CEP162: variants seen among roughly 807,000 people sequenced by gnomAD.
The protein encoded by CEP162 is centrosomal protein of 162 kDa.
A neutral mutation model predicts 169.2 loss-of-function variants in CEP162; 141 were observed. The observed-to-expected ratio is 0.83, with a 90% CI of 0.73 to 0.96. The LOEUF (loss-of-function observed/expected upper bound fraction) is 0.96, where lower values mean the gene tolerates loss of function less well. CEP162 is among the 40% of genes least tolerant of loss of function. The probability of loss-of-function intolerance (pLI) is 0.00; values close to 1 mark genes in which losing one functional copy is unlikely to be tolerated. For synonymous variants in CEP162, 540 were observed against 526.4 expected (o/e 1.03, Z -0.35); for missense variants, 1,600 against 1,587.2 (o/e 1.01, Z -0.14).
intron 13 of CEP162, among the ~76,000 whole-genome samples, chr6:84,179,106 T>C (rs890047649): frequency 2.0e-5 from 3 of 152,220 alleles, no homozygotes; most frequent in Non-Finnish European, 4.4e-5. Flanking sequence ...TTGTGAATAG[T>C]GCCGCAATAA....
At chr6:84,191,256 G>A (rs2099539762) in intron 11 of CEP162, among the ~76,000 whole-genome samples, 1 of 151,960 alleles carries the variant, frequency 6.6e-6, no homozygotes, top group Non-Finnish European at 1.5e-5. Context: ...CCCCCAAGAT[G>A]GGCATACCCC....
rs1363868046 is a variant in CEP162 at position 84,152,943 on chromosome 6, C to A, written c.3231G>T (p.Gln1077His). 3.7e-6 allele frequency: 6 copies of A among 1,613,700 alleles called. No homozygotes were observed. The South Asian group carries it at 4.4e-5, about 12-fold the overall frequency. Reference sequence around the variant, plus strand: ...TAGCTTTAGCATGAGCCTGTTCCACCTGGAATTCTATAGACTGAAAATCTT... The same window carrying A: ...TAGCTTTAGCATGAGCCTGTTCCACATGGAATTCTATAGACTGAAAATCTT... ...DDEDFQSIEF[Q>H]VEQAHAKAKL... Residue 1077 changes from glutamine to histidine, a missense_variant, in exon 23 of 27, where the codon CAG becomes CAT. By Grantham distance (24) the Gln-to-His change is conservative (BLOSUM62 0). Coordinates refer to ENST00000403245, the MANE Select transcript of CEP162 (RefSeq NM_014895.4).
rs571841487 is a variant in CEP162, at chr6:84,205,349, C to T, written c.572-1253G>A. ...AATACTGGCAAACCGAATCTAGCAG[C>T]ACATCAAAAAGCTTATCCACCACGA... On this transcript the variant is annotated intron_variant, in intron 6 of 26. Coordinates refer to ENST00000403245, the MANE Select transcript of CEP162 (RefSeq NM_014895.4). Among the ~76,000 whole-genome samples the T allele has an allele frequency of 2.0e-5, 3 of 152,266 alleles. No homozygotes were observed. The East Asian group carries it at 5.8e-4, about 29-fold the overall frequency.
chr6:84,225,181 T>C (rs2099555220), intron 2 of CEP162, among the ~76,000 whole-genome samples: 1 of 152,268 alleles, frequency 6.6e-6, no homozygotes, highest in South Asian at 2.1e-4. Context: ...CGCTTAATTA[T>C]GGGGATATGT....
chr6:84,124,706 A>C lies in CEP162; in HGVS notation c.*364T>G. ...TCAATACACCCATGTTACAACAAGCACATGTACCCCCTGGATCTAAAATAA... is the reference window on the plus strand; with the variant it reads ...TCAATACACCCATGTTACAACAAGCCCATGTACCCCCTGGATCTAAAATAA... On this transcript the variant is annotated 3_prime_UTR_variant, in exon 27 of 27. Coordinates refer to ENST00000403245, the MANE Select transcript of CEP162 (RefSeq NM_014895.4). 3.7e-6 allele frequency: 1 copy of C among 271,708 alleles called. No individual in the cohort carries two copies. The highest frequency in any genetic ancestry group is 6.9e-6 in the Non-Finnish European group (1 of 144,314). 16.8% of individuals were successfully genotyped at this position (271,708 alleles called of 1,614,324 possible).
At chr6:84,201,415 T>C (rs1327316900) in intron 8 of CEP162, among the ~76,000 whole-genome samples, 1 of 152,224 alleles carries the variant, frequency 6.6e-6, no homozygotes, top group African/African-American at 2.4e-5. Context: ...TGTGTGTGTG[T>C]GTGTATGTAT....
intron 7 of CEP162, 115 bp from the exon 8 acceptor site, chr6:84,201,882 G>A (rs996237367): frequency 9.1e-6 from 5 of 549,104 alleles, no homozygotes; most frequent in Non-Finnish European, 6.5e-6. Context: ...ACATTGAAAC[G>A]ATCAGGAACT....
intron 17 of CEP162, among the ~76,000 whole-genome samples, chr6:84,170,725 C>A (rs1705674313): frequency 6.6e-6 from 1 of 152,200 alleles, no homozygotes; most frequent in African/African-American, 2.4e-5. Flanking sequence ...AAATAGTGGT[C>A]ATTTTCTAAA....
chr6:84,166,473 A>C (rs1403726718), intron 18 of CEP162, among the ~76,000 whole-genome samples: 1 of 152,138 alleles, frequency 6.6e-6, no homozygotes, highest in African/African-American at 2.4e-5. Context: ...TCTTCAAAGC[A>C]CTTCTACCTG....
intron 9 of CEP162, among the ~76,000 whole-genome samples, chr6:84,199,679 A>G (rs1326621045): frequency 1.3e-5 from 2 of 152,154 alleles, no homozygotes; most frequent in African/African-American, 4.8e-5. Context: ...ACCAGTATCC[A>G]TAGACTGCAA....
At position 84,174,079 on chromosome 6, in the gene CEP162, T is replaced by A. The variant is rs1278080384; in HGVS notation, c.2135A>T (p.Glu712Val). ...KLKQIQKEIQ[E>V]QETLLQGYQQ... is the part of the protein sequence containing the mutation. ...ATATCCTTGAAGAAGTGTCTCTTGT[T>A]CTTGTATTTCTTTTTGGATTTGCTT... The change falls in exon 16 of 27, where the codon GAA (glutamate) becomes GTA (valine). Residue 712 changes from glutamate to valine, a missense_variant. Glu to Val is a moderately radical substitution (Grantham distance 121). Coordinates refer to ENST00000403245, the MANE Select transcript of CEP162 (RefSeq NM_014895.4). 3 of 1,612,758 alleles carry A rather than the reference T, an allele frequency of 1.9e-6. No individual in the cohort carries two copies. In the Admixed American group the frequency reaches 5.0e-5, roughly 27 times the overall value.
At chr6:84,147,703 T>C (rs2099519526) in intron 24 of CEP162, among the ~76,000 whole-genome samples, 1 of 152,176 alleles carries the variant, frequency 6.6e-6, no homozygotes. Context: ...CTATAAAGTC[T>C]ACACATTTGG....
intron 9 of CEP162, among the ~76,000 whole-genome samples, chr6:84,200,417 A>T (rs1469192623): frequency 6.6e-6 from 1 of 152,186 alleles, no homozygotes; most frequent in Non-Finnish European, 1.5e-5. Flanking sequence ...GCTTTTTCCT[A>T]GAGAAAGAAC....
intron 13 of CEP162, among the ~76,000 whole-genome samples, chr6:84,179,484 C>G (rs2099533824): frequency 6.6e-6 from 1 of 152,120 alleles, no homozygotes; most frequent in Non-Finnish European, 1.5e-5. Context: ...TGTTCATATC[C>G]TTTTCATATC....
chr6:84,156,662 TTTC>T (rs2099523298), intron 21 of CEP162, among the ~76,000 whole-genome samples: 1 of 151,820 alleles, frequency 6.6e-6, no homozygotes. Context: ...AGTGTGGAGA[TTTC>T]TTAAGACCTA....
intron 22 of CEP162, among the ~76,000 whole-genome samples, chr6:84,155,066 A>G (rs2099522620): frequency 6.6e-6 from 1 of 152,114 alleles, no homozygotes; most frequent in Admixed American, 6.6e-5. Flanking sequence ...TCATATTGAG[A>G]GAGATGATGT....
chr6:84,127,793 G>A lies in CEP162; in HGVS notation c.3871-1281C>T, dbSNP rs149061683. Among the ~76,000 whole-genome samples the A allele has an allele frequency of 1.6e-4, 24 of 152,246 alleles. No homozygotes were observed. In the East Asian group the frequency reaches 4.6e-3, roughly 29 times the overall value. On this transcript the variant is annotated intron_variant, in intron 25 of 26. Coordinates refer to ENST00000403245, the MANE Select transcript of CEP162 (RefSeq NM_014895.4). ...CTGAATGAAACAGTCAAGTGAATGA[G>A]AATTCTAATATTGTGTGCTATGATA...
chr6:84,211,066 C>T (rs560500066), intron 6 of CEP162, among the ~76,000 whole-genome samples: 4 of 151,618 alleles, frequency 2.6e-5, no homozygotes, highest in Admixed American at 6.6e-5. Flanking sequence ...AAAAGTGTCA[C>T]GAAACTAAAT....
At chr6:84,213,413 C>T (rs576313933) in intron 5 of CEP162, among the ~76,000 whole-genome samples, 2 of 152,222 alleles carry the variant, frequency 1.3e-5, no homozygotes, top group Admixed American at 1.3e-4. Flanking sequence ...AAAAAAAATG[C>T]TAAGGTCAGC....
Sources: gnomAD v4.1 joint callset for allele counts (sites outside exome capture counted in the v4.1 genomes callset) on GRCh38, gnomAD v4.1.1 for gene constraint, MANE v1.5 for transcripts, NCBI Gene and HGNC (gene_info 2026-07-23, HGNC 2026-07-21) for gene names.